Variants in AGTPBP1 observed in about 807,000 individuals in gnomAD.
The protein encoded by AGTPBP1 is cytosolic carboxypeptidase 1.
In AGTPBP1, 70 loss-of-function variants were observed where a neutral mutation model predicts 143.9. That is an observed-to-expected ratio of 0.49 (90% CI 0.40 to 0.59). The LOEUF (loss-of-function observed/expected upper bound fraction) is 0.59, where lower values mean the gene tolerates loss of function less well. AGTPBP1 is among the 20% of genes least tolerant of loss of function. AGTPBP1 has a pLI of 0.00. For missense variants in AGTPBP1, 1,229 were observed against 1,464.5 expected (o/e 0.84, Z 2.62); for synonymous variants, 463 against 500.2 (o/e 0.93, Z 0.99).
intron 3 of AGTPBP1, among the ~76,000 whole-genome samples, chr9:85,685,208 G>A (rs969269107): frequency 1.3e-5 from 2 of 151,838 alleles, no homozygotes; most frequent in African/African-American, 4.8e-5. Flanking sequence ...AAAAAAAACT[G>A]AGCAACCAAA....
intron 8 of AGTPBP1, among the ~76,000 whole-genome samples, chr9:85,667,850 A>G (rs895456676): frequency 6.6e-6 from 1 of 151,806 alleles, no homozygotes; most frequent in Admixed American, 6.6e-5. Context: ...GAGACATATC[A>G]ATCAAATATA....
At chr9:85,662,136 A>T (rs1038251322) in intron 8 of AGTPBP1, among the ~76,000 whole-genome samples, 1 of 152,150 alleles carries the variant, frequency 6.6e-6, no homozygotes, top group Non-Finnish European at 1.5e-5. Flanking sequence ...AAAGGTAAAG[A>T]GCATAACAGA....
intron 3 of AGTPBP1, among the ~76,000 whole-genome samples, chr9:85,689,692 T>C (rs10868339): frequency 0.5 from 76,159 of 151,206 alleles, 21,861 homozygotes; most frequent in East Asian, 0.87. Context: ...GTCAAGAGTT[T>C]GAGACCAGCC....
At chr9:85,622,686 C>A (rs1831014737) in intron 14 of AGTPBP1, among the ~76,000 whole-genome samples, 1 of 152,104 alleles carries the variant, frequency 6.6e-6, no homozygotes, top group African/African-American at 2.4e-5. Flanking sequence ...GCTACACATT[C>A]TTGATGTAAG....
At chr9:85,758,730 T>C in the AGTPBP1 span, among the ~76,000 whole-genome samples, 1 of 152,152 alleles carries the variant, frequency 6.6e-6, no homozygotes, top group Non-Finnish European at 1.5e-5. Flanking sequence ...GAGCGAAACA[T>C]TTTTAATTGG....
rs1275862629 is a variant in AGTPBP1, at chr9:85,728,050, C to T, written c.-34+13725G>A. 1.1e-4 allele frequency among the ~76,000 whole-genome samples: 17 copies of T among 150,280 alleles called. 1 individual carries two copies. The highest frequency in any genetic ancestry group is 2.2e-4 in the African/African-American group (9 of 40,742). Reference sequence around the variant, plus strand: ...TTATATACACACACACACACACACACACACACACACACACACACACACACA... The same window carrying T: ...TTATATACACACACACACACACACATACACACACACACACACACACACACA... On this transcript the variant is annotated intron_variant, in intron 1 of 25. Coordinates refer to ENST00000357081, the MANE Select transcript of AGTPBP1 (RefSeq NM_001330701.2).
At chr9:85,750,002 C>T in the AGTPBP1 span, among the ~76,000 whole-genome samples, 1 of 151,922 alleles carries the variant, frequency 6.6e-6, no homozygotes, top group South Asian at 2.1e-4. Flanking sequence ...CTGCCTCAGC[C>T]TCCCAAGTAG....
At chr9:85,786,540 C>T in the AGTPBP1 span, 1 of 1,613,766 alleles carries the variant, frequency 6.2e-7, no homozygotes, top group Non-Finnish European at 8.5e-7. Context: ...GCTGCTGATT[C>T]CATCGAAGTA....
chr9:85,710,881 A>C (rs28576747), intron 2 of AGTPBP1, among the ~76,000 whole-genome samples: 150 of 152,336 alleles, frequency 9.8e-4, no homozygotes, highest in African/African-American at 3.5e-3. Context: ...GCAAAAAGTA[A>C]GGCATTTTTT....
At chr9:85,662,576 A>T (rs1564118400) in intron 8 of AGTPBP1, among the ~76,000 whole-genome samples, 1 of 152,104 alleles carries the variant, frequency 6.6e-6, no homozygotes, top group African/African-American at 2.4e-5. Context: ...GATTTATAAA[A>T]ACTAAAATGG....
At chr9:85,731,187 T>G (rs1838855702) in intron 1 of AGTPBP1, among the ~76,000 whole-genome samples, 1 of 152,218 alleles carries the variant, frequency 6.6e-6, no homozygotes, top group South Asian at 2.1e-4. Flanking sequence ...TATTCAATAT[T>G]TTAATTGGAA....
chr9:85,771,985 CT>C, the AGTPBP1 span, among the ~76,000 whole-genome samples: 342 of 132,138 alleles, frequency 2.6e-3, no homozygotes, highest in Middle Eastern at 9.3e-3. Context: ...TTATGCTGTT[CT>C]TTTTTTTTTT....
intron 8 of AGTPBP1, among the ~76,000 whole-genome samples, chr9:85,665,775 G>A (rs1037286600): frequency 6.6e-6 from 1 of 152,008 alleles, no homozygotes; most frequent in Non-Finnish European, 1.5e-5. Flanking sequence ...CTTTCAGATG[G>A]CAACACCCAT....
chr9:85,555,147 A>C (rs1826256452), intron 25 of AGTPBP1, among the ~76,000 whole-genome samples: 1 of 152,224 alleles, frequency 6.6e-6, no homozygotes, highest in Non-Finnish European at 1.5e-5. Flanking sequence ...CAAAAACAAC[A>C]AAAGACTCAA....
At chr9:85,693,216 A>G (rs1191273872) in intron 2 of AGTPBP1, among the ~76,000 whole-genome samples, 4 of 152,182 alleles carry the variant, frequency 2.6e-5, no homozygotes, top group Admixed American at 1.3e-4. Flanking sequence ...TAAATCCAGC[A>G]AGAATACACT....
chr9:85,728,030 TACACACACACACACACACACACACAC>T (rs57676033), intron 1 of AGTPBP1, among the ~76,000 whole-genome samples: 5 of 128,434 alleles, frequency 3.9e-5, no homozygotes, highest in African/African-American at 1.2e-4. Flanking sequence ...TATATTTATA[TACACACACACACACACACACACACAC>T]ACACACACAC....
chr9:85,753,563 T>A, the AGTPBP1 span: 2 of 1,101,378 alleles, frequency 1.8e-6, no homozygotes, highest in Non-Finnish European at 1.3e-6. Context: ...ACCAGCCTGG[T>A]CAACATGGTA....
chr9:85,567,506 C>A (rs944197135), intron 25 of AGTPBP1, among the ~76,000 whole-genome samples: 1 of 152,094 alleles, frequency 6.6e-6, no homozygotes. Context: ...GCAGAAGAAT[C>A]GCTTGAGCCT....
chr9:85,699,359 T>G (rs1836497423), intron 2 of AGTPBP1, among the ~76,000 whole-genome samples: 1 of 152,184 alleles, frequency 6.6e-6, no homozygotes, highest in African/African-American at 2.4e-5. Flanking sequence ...TTTGATTCTT[T>G]GAGCTTATAT....
Sources: gnomAD v4.1 joint callset for allele counts (sites outside exome capture counted in the v4.1 genomes callset) on GRCh38, gnomAD v4.1.1 for gene constraint, MANE v1.5 for transcripts, NCBI Gene and HGNC (gene_info 2026-07-23, HGNC 2026-07-21) for gene names.